The following MCM5 variants were observed in gnomAD, a reference collection of about 807,000 sequenced individuals.
The protein encoded by MCM5 is DNA replication licensing factor MCM5.
Under a neutral mutation model 79.9 loss-of-function variants are expected in MCM5, and 46 were observed. That is an observed-to-expected ratio of 0.58 (90% CI 0.45 to 0.74). The LOEUF (loss-of-function observed/expected upper bound fraction) is 0.74, where lower values mean the gene tolerates loss of function less well. Among genes scored for constraint, MCM5 ranks in the 30% least tolerant of loss-of-function variants. The pLI is 0.00. For missense variants in MCM5, 883 were observed against 1,017.0 expected (o/e 0.87, Z 1.79); for synonymous variants, 404 against 390.5 (o/e 1.03, Z -0.41).
At chr22:35,442,826 A>G in the MCM5 span, among the ~76,000 whole-genome samples, 1 of 152,218 alleles carries the variant, frequency 6.6e-6, no homozygotes, top group Non-Finnish European at 1.5e-5. Context: ...ACATCTTTCC[A>G]GGCCACTACT....
chr22:35,401,301 C>A, intron 2 of MCM5: 12 of 436,070 alleles, frequency 2.8e-5, no homozygotes, highest in South Asian at 2.0e-4. Flanking sequence ...CTCAAGTTCC[C>A]TGTAGGTGTA....
At chr22:35,443,353 A>AT in the MCM5 span, among the ~76,000 whole-genome samples, 3 of 151,904 alleles carry the variant, frequency 2.0e-5, no homozygotes, top group African/African-American at 7.3e-5. Context: ...CGCCTGGCTA[A>AT]TTTTTTTTAA....
At chr22:35,434,022 A>T in the MCM5 span, among the ~76,000 whole-genome samples, 1 of 152,162 alleles carries the variant, frequency 6.6e-6, no homozygotes, top group African/African-American at 2.4e-5. Flanking sequence ...AACGCACAAG[A>T]CTAGAATTTG....
At chr22:35,447,700 C>T in the MCM5 span, among the ~76,000 whole-genome samples, 1 of 152,136 alleles carries the variant, frequency 6.6e-6, no homozygotes, top group Non-Finnish European at 1.5e-5. Flanking sequence ...CTCCTGACCT[C>T]AAGTGATCGG....
At chr22:35,446,336 TA>T in the MCM5 span, among the ~76,000 whole-genome samples, 2 of 152,236 alleles carry the variant, frequency 1.3e-5, no homozygotes, top group East Asian at 3.9e-4. Context: ...TGGAACATTC[TA>T]GCACTGGGAT....
chr22:35,416,241 T>A, intron 10 of MCM5, 98 bp from the exon 11 acceptor site: 1 of 1,200,164 alleles, frequency 8.3e-7, no homozygotes, highest in Non-Finnish European at 1.2e-6. Context: ...GTGGAGCTGG[T>A]ATTCAGGAGT....
At chr22:35,452,654 C>T in the MCM5 span, among the ~76,000 whole-genome samples, 30,444 of 152,092 alleles carry the variant, frequency 0.2, 3,417 homozygotes, top group African/African-American at 0.31. Context: ...CACTGGAAGC[C>T]TGGCTTTTCG....
In MCM5 at chr22:35,408,513, T is replaced by TG; in HGVS notation, c.703dup (p.Ala235GlyfsTer21). 6.2e-7 allele frequency: 1 copy of TG among 1,614,196 alleles called. No homozygotes were observed. The highest frequency in any genetic ancestry group is 8.5e-7 in the Non-Finnish European group (1 of 1,180,024). On this transcript the variant is annotated frameshift_variant, in exon 6 of 17. Transcript: ENST00000216122. LOFTEE classifies it high-confidence loss of function. ...CCCTGAAGCTGCAGGAGCTGCCTGA[T>TG]GCAGTCCCCCACGGGGAGATGCCCA...
downstream of MCM5, among the ~76,000 whole-genome samples, chr22:35,427,496 ATT>A (rs753028521): frequency 1.3e-4 from 17 of 133,546 alleles, no homozygotes; most frequent in Admixed American, 2.9e-4. Context: ...TATTTAACAC[ATT>A]TTTTTTTTTT....
At chr22:35,416,511 C>CTGTG (rs133421) in intron 11 of MCM5, 107 bp downstream of exon 11, 13,782 of 1,018,998 alleles carry the variant, frequency 0.014, 121 homozygotes, top group East Asian at 0.04. Context: ...GGCCTAGAAT[C>CTGTG]TGTGTGTGTG....
chr22:35,417,058 G>C (rs1457860423), intron 12 of MCM5, among the ~76,000 whole-genome samples: 1 of 152,146 alleles, frequency 6.6e-6, no homozygotes, highest in Non-Finnish European at 1.5e-5. Flanking sequence ...GGCTAAATCA[G>C]TTTCTCCCTG....
Position 35,403,271 on chromosome 22 carries a change from G to T in MCM5, c.232G>T (p.Ala78Ser). 6.2e-7 allele frequency: 1 copy of T among 1,614,144 alleles called. No individual in the cohort carries two copies. The highest frequency in any genetic ancestry group is 8.5e-7 in the Non-Finnish European group (1 of 1,180,028). Residue 78 changes from alanine (A) to serine (S), a missense_variant, in exon 3 of 17, where the codon GCC becomes TCC. Physicochemically the swap from Ala to Ser is moderately conservative, Grantham distance 99. Transcript: ENST00000216122. The part of the protein sequence containing the change: ...YWIEVEMEDL[A>S]SFDEDLADYL... ...GATTGAGGTGGAGATGGAGGATCTGGCCAGCTTTGATGAGGACCTGGCCGA... is the reference window on the plus strand; with the variant it reads ...GATTGAGGTGGAGATGGAGGATCTGTCCAGCTTTGATGAGGACCTGGCCGA...
downstream of MCM5, among the ~76,000 whole-genome samples, chr22:35,429,543 T>C (rs572920254): frequency 1.4e-5 from 2 of 147,416 alleles, no homozygotes; most frequent in South Asian, 4.3e-4. Context: ...TTGTTCTTCC[T>C]TTTTTTTTTA....
In MCM5 at chr22:35,403,553, G is replaced by C; in HGVS notation, c.423+11G>C. 6.2e-7 allele frequency: 1 copy of C among 1,611,602 alleles called. No individual in the cohort carries two copies. The highest frequency in any genetic ancestry group is 2.2e-5 in the East Asian group (1 of 44,888). On this transcript the variant is annotated intron_variant, in intron 4 of 16. Coordinates refer to ENST00000216122, the MANE Select transcript of MCM5 (RefSeq NM_006739.4). Reference sequence around the variant, plus strand: ...ATTCGTAGCCTGAAGGTGGGTCGGAGGGCAGTGGCTGCTGCATGGTGCAGA... The same window carrying C: ...ATTCGTAGCCTGAAGGTGGGTCGGACGGCAGTGGCTGCTGCATGGTGCAGA...
chr22:35,404,530 CTG>C (rs4645749), intron 4 of MCM5, among the ~76,000 whole-genome samples: 75,349 of 151,820 alleles, frequency 0.5, 19,302 homozygotes, highest in Middle Eastern at 0.55. Context: ...AAAGGCCTGA[CTG>C]TGTTTCGATT....
At chr22:35,419,050 G>A (rs924791804) in intron 13 of MCM5, among the ~76,000 whole-genome samples, 1 of 152,186 alleles carries the variant, frequency 6.6e-6, no homozygotes, top group Admixed American at 6.5e-5. Context: ...TACCAGTGGG[G>A]GGCTGGTGGG....
the MCM5 span, among the ~76,000 whole-genome samples, chr22:35,443,190 CAA>C: frequency 6.6e-6 from 1 of 152,046 alleles, no homozygotes; most frequent in African/African-American, 2.4e-5. Flanking sequence ...GCCCAAGGTG[CAA>C]AAAAATTTTT....
intron 12 of MCM5, 123 bp downstream of exon 12, chr22:35,416,937 A>G: frequency 8.9e-7 from 1 of 1,128,050 alleles, no homozygotes; most frequent in Non-Finnish European, 1.3e-6. Context: ...AGGCTGTGAA[A>G]TTGGGGAGCA....
chr22:35,407,727 C>T (rs4645768), intron 5 of MCM5, among the ~76,000 whole-genome samples: 79,907 of 152,072 alleles, frequency 0.53, 22,382 homozygotes, highest in Middle Eastern at 0.67. Context: ...TTGGTGTGCA[C>T]GTACCTCGTC....
Sources: gnomAD v4.1 joint callset for allele counts (sites outside exome capture counted in the v4.1 genomes callset) on GRCh38, gnomAD v4.1.1 for gene constraint, MANE v1.5 for transcripts, NCBI Gene and HGNC (gene_info 2026-07-23, HGNC 2026-07-21) for gene names.